Variants in KIAA1217 observed in about 807,000 individuals in gnomAD.
The protein encoded by KIAA1217 is KIAA1217.
Under a neutral mutation model 163.9 loss-of-function variants are expected in KIAA1217, and 88 were observed. The observed-to-expected ratio is 0.54, with a 90% CI of 0.45 to 0.64. KIAA1217 has a LOEUF of 0.64. Among genes scored for constraint, KIAA1217 ranks in the 30% least tolerant of loss-of-function variants. The probability of loss-of-function intolerance (pLI) is 0.00; values close to 1 mark genes in which losing one functional copy is unlikely to be tolerated. For synonymous variants in KIAA1217, 903 were observed against 923.1 expected (o/e 0.98, Z 0.39); for missense variants, 2,372 against 2,475.0 (o/e 0.96, Z 0.88).
At chr10:24,545,515 C>A in intron 20 of KIAA1217, 1 of 1,297,754 alleles carries the variant, frequency 7.7e-7, no homozygotes, top group Non-Finnish European at 9.8e-7. Context: ...GTCACAATGC[C>A]CGACCCCCAC....
chr10:24,438,345 C>A, intron 4 of KIAA1217, 41 bp from the exon 5 acceptor site: 2 of 1,423,964 alleles, frequency 1.4e-6, no homozygotes, highest in Non-Finnish European at 2.0e-6. Context: ...CAAAGTCAGG[C>A]TTCTTTCATC....
rs138236327 is a variant in KIAA1217, at chr10:24,270,686, G to A, written c.354+50777G>A. Among the ~76,000 whole-genome samples the A allele has an allele frequency of 4.4e-3, 672 of 152,162 alleles. 6 individuals carry two copies. Among genetic ancestry groups the A allele is most frequent in the African/African-American group, 0.015 (639 of 41,512 alleles). On this transcript the variant is annotated intron_variant, in intron 2 of 20. Coordinates refer to ENST00000376454, the MANE Select transcript of KIAA1217 (RefSeq NM_019590.5). Reference sequence around the variant, plus strand: ...CGCCTAAGTAACTGAGATTACGGGCGCCTGCCTCCACACCCAGCTAATTTT... The same window carrying A: ...CGCCTAAGTAACTGAGATTACGGGCACCTGCCTCCACACCCAGCTAATTTT...
chr10:23,836,598 G>C (rs533742494), intron 1 of KIAA1217, among the ~76,000 whole-genome samples: 2 of 151,394 alleles, frequency 1.3e-5, no homozygotes, highest in Non-Finnish European at 2.9e-5. Flanking sequence ...TAGCAATGAG[G>C]TCTTGGTTTT....
intron 2 of KIAA1217, among the ~76,000 whole-genome samples, chr10:24,159,539 G>A (rs2065023418): frequency 6.6e-6 from 1 of 152,092 alleles, no homozygotes; most frequent in South Asian, 2.1e-4. Flanking sequence ...CAGCACTTTG[G>A]GAGGCCGAGG....
At chr10:24,399,655 G>A (rs2056284279) in intron 3 of KIAA1217, among the ~76,000 whole-genome samples, 2 of 152,262 alleles carry the variant, frequency 1.3e-5, no homozygotes, top group South Asian at 2.1e-4. Flanking sequence ...TGTGACTGAG[G>A]TATTCCAGCA....
chr10:23,972,929 G>A (rs1376974460), intron 1 of KIAA1217, among the ~76,000 whole-genome samples: 5 of 152,132 alleles, frequency 3.3e-5, no homozygotes, highest in African/African-American at 1.2e-4. Context: ...GACACAGGGA[G>A]TGGAACAACA....
chr10:24,543,002 T>C lies in KIAA1217; in HGVS notation c.3732T>C (p.Asn1244=), dbSNP rs1398432629. The part of the protein sequence containing the change: ...EYKTEIIMKE[N]SISNMSLLRD... Reference sequence around the variant, plus strand: ...AAACTGAGATCATAATGAAGGAAAATTCCATATCCAATATGAGTTTACTCA... The same window carrying C: ...AAACTGAGATCATAATGAAGGAAAACTCCATATCCAATATGAGTTTACTCA... Residue 1244 remains asparagine, a synonymous_variant, in exon 19 of 21, where the codon AAT becomes AAC. Transcript: ENST00000376454. The C allele has an allele frequency of 6.2e-7, 1 of 1,612,688 alleles. No homozygotes were observed. The highest frequency in any genetic ancestry group is 1.6e-4 in the Middle Eastern group (1 of 6,062).
At chr10:24,263,866 T>G (rs538865989) in intron 2 of KIAA1217, among the ~76,000 whole-genome samples, 25 of 151,234 alleles carry the variant, frequency 1.7e-4, no homozygotes, top group Non-Finnish European at 3.1e-4. Context: ...ATCTTTTTTA[T>G]TTTTTTTTGA....
intron 2 of KIAA1217, among the ~76,000 whole-genome samples, chr10:24,012,000 C>T (rs1182088710): frequency 3.3e-5 from 5 of 151,854 alleles, no homozygotes; most frequent in Non-Finnish European, 7.4e-5. Context: ...TTTCATTTGA[C>T]CAAGGAAAAA....
chr10:24,046,258 A>C (rs1849018391), intron 2 of KIAA1217, among the ~76,000 whole-genome samples: 1 of 152,094 alleles, frequency 6.6e-6, no homozygotes, highest in African/African-American at 2.4e-5. Context: ...GATGATACCT[A>C]ACCTCTATTG....
chr10:23,984,775 AG>A, intron 1 of KIAA1217, among the ~76,000 whole-genome samples: 1 of 149,950 alleles, frequency 6.7e-6, no homozygotes, highest in Non-Finnish European at 1.5e-5. Context: ...GTTGGGGGCA[AG>A]GGGAGGGAGA....
intron 2 of KIAA1217, among the ~76,000 whole-genome samples, chr10:24,184,611 C>T (rs1280820617): frequency 2.6e-5 from 4 of 152,190 alleles, no homozygotes; most frequent in Non-Finnish European, 4.4e-5. Flanking sequence ...CCATTTTGGC[C>T]TCAAGAAACT....
At chr10:24,074,905 T>A (rs978994878) in intron 2 of KIAA1217, among the ~76,000 whole-genome samples, 20 of 151,920 alleles carry the variant, frequency 1.3e-4, no homozygotes, top group African/African-American at 4.8e-4. Flanking sequence ...TGCCATGTTG[T>A]CCAGATTGGC....
chr10:24,112,269 A>G (rs2062877194), intron 2 of KIAA1217, among the ~76,000 whole-genome samples: 1 of 152,236 alleles, frequency 6.6e-6, no homozygotes, highest in Non-Finnish European at 1.5e-5. Context: ...TTTCTTCCAC[A>G]AAATTAAGGC....
At chr10:24,390,712 G>GAA (rs1257396855) in intron 3 of KIAA1217, among the ~76,000 whole-genome samples, 1 of 152,150 alleles carries the variant, frequency 6.6e-6, no homozygotes, top group African/African-American at 2.4e-5. Flanking sequence ...TTTAAAAACC[G>GAA]AGTCAATCTT....
intron 2 of KIAA1217, among the ~76,000 whole-genome samples, chr10:24,156,635 T>C (rs1423878977): frequency 6.6e-6 from 1 of 152,190 alleles, no homozygotes; most frequent in Non-Finnish European, 1.5e-5. Context: ...GCCTCTTTGA[T>C]CAGACTCTTA....
At chr10:23,811,752 C>T (rs1031962229) in intron 1 of KIAA1217, among the ~76,000 whole-genome samples, 5 of 151,936 alleles carry the variant, frequency 3.3e-5, no homozygotes, top group Non-Finnish European at 7.4e-5. Flanking sequence ...AATTATAAGA[C>T]CCTGCTGATG....
intron 2 of KIAA1217, among the ~76,000 whole-genome samples, chr10:24,111,702 A>G (rs1389726029): frequency 6.6e-6 from 1 of 152,116 alleles, no homozygotes; most frequent in Non-Finnish European, 1.5e-5. Flanking sequence ...AAAAAAAATC[A>G]GAGGGGTGTA....
intron 1 of KIAA1217, among the ~76,000 whole-genome samples, chr10:23,862,192 G>T (rs988814071): frequency 6.6e-6 from 1 of 152,064 alleles, no homozygotes; most frequent in Non-Finnish European, 1.5e-5. Context: ...TTTATACCTA[G>T]TTTATCTTTG....
Sources: allele counts gnomAD v4.1 joint callset (sites outside exome capture counted in the v4.1 genomes callset), GRCh38; gene constraint gnomAD v4.1.1; transcripts MANE v1.5; gene names NCBI Gene and HGNC (gene_info 2026-07-23, HGNC 2026-07-21).